The following PCDHA1 variants were observed in gnomAD, a reference collection of about 807,000 sequenced individuals.
The protein encoded by PCDHA1 is protocadherin alpha 1, also known as protocadherin alpha-1.
PCDHA1 carries 42 observed loss-of-function variants against 61.3 expected under a neutral mutation model. The ratio of observed to expected loss-of-function variants is 0.69; its 90% confidence interval spans 0.54 to 0.89. PCDHA1 has a LOEUF of 0.89. Among genes scored for constraint, PCDHA1 ranks in the 40% least tolerant of loss-of-function variants. The pLI is 0.00. For missense variants in PCDHA1, 1,256 were observed against 1,235.3 expected, an observed-to-expected ratio of 1.02 and a Z score of -0.25; for synonymous variants, 610 against 553.8, an observed-to-expected ratio of 1.10 and a Z score of -1.43.
At chr5:140,971,369 T>C (rs1384716266) in intron 1 of PCDHA1, among the ~76,000 whole-genome samples, 1 of 152,094 alleles carries the variant, frequency 6.6e-6, no homozygotes, top group Non-Finnish European at 1.5e-5. Context: ...GCCAGGAGAG[T>C]GCATGACTTT....
intron 3 of PCDHA1, among the ~76,000 whole-genome samples, chr5:140,988,509 TA>T (rs2097301045): frequency 6.6e-6 from 1 of 152,170 alleles, no homozygotes; most frequent in Non-Finnish European, 1.5e-5. Flanking sequence ...CCATGAAGCT[TA>T]CTTAAGTCTC....
chr5:140,847,503 C>G lies in PCDHA1; in HGVS notation c.2394+58819C>G, dbSNP rs1445726989. 5 of 149,698 alleles carry G rather than the reference C, an allele frequency of 3.3e-5. 1 individual carries two copies. Among genetic ancestry groups the G allele is most frequent in the Non-Finnish European group, 7.5e-5 (5 of 66,942 alleles). The allele number at this position is 149,698 out of a possible 1,614,324, so 9.3% of individuals were successfully genotyped here. Reference sequence around the variant, plus strand: ...TAAGATAGTAAAACTCACAACAAAACTTTGTAGAACTTAGTCAGGAAAAGA... The same window carrying G: ...TAAGATAGTAAAACTCACAACAAAAGTTTGTAGAACTTAGTCAGGAAAAGA... On this transcript the variant is annotated intron_variant, in intron 1 of 3. Transcript: ENST00000504120.
In PCDHA1 at chr5:140,882,282, G is replaced by T. The variant is rs145553181; in HGVS notation, c.2394+93598G>T. On this transcript the variant is annotated intron_variant, in intron 1 of 3. Coordinates refer to ENST00000504120, the MANE Select transcript of PCDHA1 (RefSeq NM_018900.4). Reference sequence around the variant, plus strand: ...TTGGAGTGTACCATGCTGTCTTCCTGGCAAGGAGGCCCAAGACCGCGGCAA... The same window carrying T: ...TTGGAGTGTACCATGCTGTCTTCCTTGCAAGGAGGCCCAAGACCGCGGCAA... 4.2e-5 allele frequency: 68 copies of T among 1,612,712 alleles called. No individual in the cohort carries two copies. The African/African-American group carries it at 8.4e-4, about 20-fold the overall frequency.
chr5:140,883,433 T>G lies in PCDHA1; in HGVS notation c.2394+94749T>G, dbSNP rs201972709. 38 of 1,614,170 alleles carry G rather than the reference T, an allele frequency of 2.4e-5. No individual in the cohort carries two copies. In the East Asian group the frequency reaches 7.8e-4, roughly 33 times the overall value. ...CTCAAATGGACAGGTCACCTGCACC[T>G]TGACGCCGCATGTCCCCTTCAAGCT... On this transcript the variant is annotated intron_variant, in intron 1 of 3. Transcript: ENST00000504120.
intron 1 of PCDHA1, among the ~76,000 whole-genome samples, chr5:140,790,535 A>G (rs538196149): frequency 1.3e-5 from 2 of 152,234 alleles, no homozygotes; most frequent in South Asian, 2.1e-4. Context: ...TATCGTACTC[A>G]GCCTTTTGGC....
At chr5:140,999,454 A>G (rs1467435215) in intron 3 of PCDHA1, among the ~76,000 whole-genome samples, 1 of 152,206 alleles carries the variant, frequency 6.6e-6, no homozygotes, top group African/African-American at 2.4e-5. Context: ...CGTTCAACGA[A>G]TAAGTGGTGA....
chr5:140,807,525 C>T (rs367896801), intron 1 of PCDHA1: 9 of 1,613,934 alleles, frequency 5.6e-6, no homozygotes, highest in Non-Finnish European at 7.6e-6. Context: ...GTAGACAGGC[C>T]GCTGCAGGTT....
At chr5:140,921,101 C>A (rs1331761775) in intron 1 of PCDHA1, among the ~76,000 whole-genome samples, 1 of 152,002 alleles carries the variant, frequency 6.6e-6, no homozygotes, top group Non-Finnish European at 1.5e-5. Context: ...CTGCCTCAGT[C>A]TCCTAAGTAG....
rs1345703097 is a variant in PCDHA1, at chr5:140,786,209, A to T, written c.-82A>T. On this transcript the variant is annotated 5_prime_UTR_variant, in exon 1 of 4. Transcript: ENST00000504120. ...CTGAGAGAAGACAGAAACGGTAAAG[A>T]GATAAATGATTGGAAATATTAGATA... 1 of 1,487,902 alleles carries T rather than the reference A, an allele frequency of 6.7e-7. No homozygotes were observed. Among genetic ancestry groups the T allele is most frequent in the Non-Finnish European group, 9.0e-7 (1 of 1,109,804 alleles). The allele number at this position is 1,487,902 out of a possible 1,614,324, so 92.2% of individuals were successfully genotyped here. A position where few individuals can be genotyped will look rare whatever the true frequency, so the allele number is the denominator to read the frequency against.
chr5:140,815,446 C>T (rs1765729600), intron 1 of PCDHA1: 1 of 152,060 alleles, frequency 6.6e-6, no homozygotes, highest in Non-Finnish European at 1.5e-5. Context: ...TTACTACAAT[C>T]ACAAAACAAA....
At chr5:140,959,871 T>C (rs572861997) in intron 1 of PCDHA1, among the ~76,000 whole-genome samples, 1 of 152,322 alleles carries the variant, frequency 6.6e-6, no homozygotes, top group Admixed American at 6.5e-5. Flanking sequence ...GCAAAATCTG[T>C]CAAGGAATAC....
intron 1 of PCDHA1, chr5:140,816,846 T>G (rs1327964191): frequency 2.6e-5 from 4 of 152,194 alleles, no homozygotes; most frequent in African/African-American, 9.7e-5. Context: ...CTGTGTGCTG[T>G]ACTGTGGGCC....
chr5:140,979,391 T>C (rs1298274291), intron 2 of PCDHA1, among the ~76,000 whole-genome samples: 1 of 152,202 alleles, frequency 6.6e-6, no homozygotes, highest in Non-Finnish European at 1.5e-5. Context: ...AATGTATACA[T>C]ACATGTTGTC....
chr5:140,848,477 A>G (rs1473834306), intron 1 of PCDHA1: 1 of 1,563,760 alleles, frequency 6.4e-7, no homozygotes, highest in Non-Finnish European at 8.7e-7. Context: ...ACTAATTAGA[A>G]GAAGACTGAG....
chr5:140,891,596 A>T (rs191602934), intron 1 of PCDHA1, among the ~76,000 whole-genome samples: 2 of 152,134 alleles, frequency 1.3e-5, no homozygotes, highest in African/African-American at 4.8e-5. Flanking sequence ...ACTCTATCCC[A>T]TCTATTTCTA....
intron 1 of PCDHA1, chr5:140,834,620 G>A (rs1773151452): frequency 1.9e-6 from 3 of 1,614,080 alleles, no homozygotes; most frequent in Non-Finnish European, 2.5e-6. Flanking sequence ...AGGTAAATCT[G>A]CAGAATGGCA....
chr5:140,935,985 C>G (rs155825), intron 1 of PCDHA1, among the ~76,000 whole-genome samples: 1 of 150,926 alleles, frequency 6.6e-6, no homozygotes, highest in Admixed American at 6.6e-5. Context: ...CTCTGCCTCC[C>G]GGGTTCAAGC....
chr5:140,842,884 G>T, intron 1 of PCDHA1: 1 of 1,594,190 alleles, frequency 6.3e-7, no homozygotes, highest in South Asian at 1.1e-5. Context: ...ACGCGCTGCA[G>T]CCGCTGGACC....
At chr5:140,943,316 A>G (rs1326467105) in intron 1 of PCDHA1, among the ~76,000 whole-genome samples, 3 of 151,868 alleles carry the variant, frequency 2.0e-5, no homozygotes, top group African/African-American at 4.8e-5. Context: ...ATTATTAGCA[A>G]TATTGTGTAG....
Sources: gnomAD v4.1 joint callset for allele counts (sites outside exome capture counted in the v4.1 genomes callset) on GRCh38, gnomAD v4.1.1 for gene constraint, MANE v1.5 for transcripts, NCBI Gene and HGNC (gene_info 2026-07-23, HGNC 2026-07-21) for gene names.